ARHGAP23: variants seen among roughly 807,000 people sequenced by gnomAD.
ARHGAP23 encodes Rho GTPase activating protein 23.
ARHGAP23 carries 34 observed loss-of-function variants against 136.3 expected under a neutral mutation model. The observed-to-expected ratio is 0.25, with a 90% CI of 0.19 to 0.33. The LOEUF is 0.33. ARHGAP23 is among the 10% of genes least tolerant of loss of function. The pLI, the probability that ARHGAP23 is intolerant of heterozygous loss-of-function variation, is 1.00. For synonymous variants in ARHGAP23, 832 were observed against 920.5 expected (o/e 0.90, Z 1.74); for missense variants, 1,808 against 2,139.0 (o/e 0.85, Z 3.05).
intron 1 of ARHGAP23, among the ~76,000 whole-genome samples, chr17:38,422,304 A>G (rs1395243665): frequency 6.6e-6 from 1 of 152,220 alleles, no homozygotes; most frequent in Non-Finnish European, 1.5e-5. Flanking sequence ...AGAGCTTGGC[A>G]CATAGTGGGT....
upstream of ARHGAP23, among the ~76,000 whole-genome samples, chr17:38,425,321 T>C (rs1004799365): frequency 2.6e-5 from 4 of 152,088 alleles, no homozygotes; most frequent in Non-Finnish European, 4.4e-5. Flanking sequence ...CTGGAGTGCC[T>C]TTTTCCCTAT....
At position 38,500,318 on chromosome 17, in the gene ARHGAP23, C is replaced by G. The variant is rs534087395; in HGVS notation, c.3416-279C>G. On this transcript the variant is annotated intron_variant, in intron 22 of 23. Transcript: ENST00000622683. ...AGGAACCAGGCTCAAAGACAATGCC[C>G]CCTTGCCCTTAGCCATCGGTAAATG... The G allele has an allele frequency of 2.4e-4, 126 of 519,420 alleles. 1 individual carries two copies. The highest frequency in any genetic ancestry group is 2.2e-3 in the African/African-American group (112 of 51,972). The allele number at this position is 519,420 out of a possible 1,614,324, so 32.2% of individuals were successfully genotyped here.
intron 1 of ARHGAP23, among the ~76,000 whole-genome samples, chr17:38,432,593 C>T (rs1012426693): frequency 2.6e-5 from 4 of 151,938 alleles, no homozygotes; most frequent in East Asian, 1.9e-4. Flanking sequence ...GCAGGAGAAT[C>T]GCTTGAACCT....
rs1385977016 is a variant in ARHGAP23, at chr17:38,482,518, C to T, written c.2752-5C>T. On this transcript the variant is annotated splice_region_variant and splice_polypyrimidine_tract_variant and intron_variant, in intron 15 of 23. Transcript: ENST00000622683. ...CCCCCTAACACCCCTCCCATGTGTC[C>T]CCAGCGCGTCCCCTTAATCGTGGCT... is the stretch of plus-strand genomic sequence containing the variant. 5.8e-6 allele frequency: 9 copies of T among 1,539,332 alleles called. No homozygotes were observed. The highest frequency in any genetic ancestry group is 2.5e-5 in the East Asian group (1 of 40,598).
At chr17:38,453,433 GTGTGT>G in intron 1 of ARHGAP23, among the ~76,000 whole-genome samples, 1 of 116,136 alleles carries the variant, frequency 8.6e-6, no homozygotes, top group Admixed American at 8.5e-5. Context: ...GTGTGTGTGT[GTGTGT>G]GTGTGTGTGT....
intron 16 of ARHGAP23, among the ~76,000 whole-genome samples, chr17:38,482,967 A>C (rs576400508): frequency 5.6e-4 from 85 of 152,284 alleles, no homozygotes; most frequent in Non-Finnish European, 1.0e-3. Context: ...GGATGAGTAG[A>C]GTTCACCAAA....
chr17:38,500,731 A>G, intron 23 of ARHGAP23, 103 bp downstream of exon 23: 1 of 1,094,780 alleles, frequency 9.1e-7, no homozygotes, highest in Non-Finnish European at 1.4e-6. Flanking sequence ...CCATGGGGAA[A>G]GTTGATGGTC....
At chr17:38,468,627 C>T (rs2039670175) in intron 7 of ARHGAP23, among the ~76,000 whole-genome samples, 1 of 152,178 alleles carries the variant, frequency 6.6e-6, no homozygotes, top group African/African-American at 2.4e-5. Flanking sequence ...GTAAGGAAGG[C>T]TCTAGGCTGT....
chr17:38,461,125 C>T (rs1351511144), intron 3 of ARHGAP23, among the ~76,000 whole-genome samples, 193 bp downstream of exon 3: 1 of 152,204 alleles, frequency 6.6e-6, no homozygotes, highest in Non-Finnish European at 1.5e-5. Context: ...TCTGTCCTCC[C>T]CCTTTCTTTT....
chr17:38,503,913 T>C (rs567228796), intron 23 of ARHGAP23, among the ~76,000 whole-genome samples: 7 of 152,360 alleles, frequency 4.6e-5, no homozygotes, highest in Admixed American at 2.0e-4. Flanking sequence ...GAGCACCTAC[T>C]AGGTGCCAGC....
chr17:38,454,150 G>GCGGGGCCGGGGC (rs1003715126), intron 1 of ARHGAP23: 1 of 152,154 alleles, frequency 6.6e-6, no homozygotes, highest in African/African-American at 2.4e-5. Context: ...GGTGAGAGCC[G>GCGGGGCCGGGGC]CGGGGCCGGG....
In ARHGAP23 at chr17:38,498,505, G is replaced by T; in HGVS notation, c.3410G>T (p.Gly1137Val). The T allele has an allele frequency of 6.5e-7, 1 of 1,546,834 alleles. No individual in the cohort carries two copies. Among genetic ancestry groups the T allele is most frequent in the Non-Finnish European group, 8.7e-7 (1 of 1,145,344 alleles). ...AGGACAGTGCCCCCTGGCGACCCGG[G>T]GTCAGGTGAGCGCAGGGGCCTGGGA... is the stretch of plus-strand genomic sequence containing the variant. ...IGRTVPPGDP[G>V]SDSTTCSSAK... Residue 1137 changes from glycine to valine, a missense_variant, in exon 22 of 24, where the codon GGG becomes GTG. Coordinates refer to ENST00000622683, the MANE Select transcript of ARHGAP23 (RefSeq NM_001199417.2).
chr17:38,458,328 G>C (rs1370014764), intron 2 of ARHGAP23, 65 bp downstream of exon 2: 6 of 1,446,878 alleles, frequency 4.1e-6, no homozygotes, highest in Non-Finnish European at 4.5e-6. Context: ...ACTCTTTTGT[G>C]CCAGTCCCCT....
At chr17:38,448,267 A>G (rs578195470) in intron 1 of ARHGAP23, among the ~76,000 whole-genome samples, 10 of 152,144 alleles carry the variant, frequency 6.6e-5, no homozygotes, top group Admixed American at 2.0e-4. Flanking sequence ...GCCTGGGTCT[A>G]TGAGCGTCCA....
chr17:38,509,594 T>C (rs2040708692), intron 23 of ARHGAP23, among the ~76,000 whole-genome samples: 1 of 152,092 alleles, frequency 6.6e-6, no homozygotes, highest in South Asian at 2.1e-4. Context: ...GTGAAACGGA[T>C]TCAGGCTGCC....
chr17:38,457,036 A>G (rs2039341826), intron 1 of ARHGAP23, among the ~76,000 whole-genome samples: 3 of 152,016 alleles, frequency 2.0e-5, no homozygotes, highest in African/African-American at 7.2e-5. Flanking sequence ...CAGCCTCTTG[A>G]GTAGCTGGGA....
At chr17:38,449,149 A>G (rs547709515) in intron 1 of ARHGAP23, among the ~76,000 whole-genome samples, 4 of 152,264 alleles carry the variant, frequency 2.6e-5, no homozygotes, top group South Asian at 4.1e-4. Flanking sequence ...ATTTGGCATT[A>G]TCTCAGCCCA....
chr17:38,510,924 C>A lies in ARHGAP23; in HGVS notation c.4428C>A (p.Ser1476Arg), dbSNP rs1258178835. The A allele has an allele frequency of 2.0e-6, 3 of 1,481,098 alleles. No homozygotes were observed. The highest frequency in any genetic ancestry group is 2.7e-6 in the Non-Finnish European group (3 of 1,126,168). The allele number at this position is 1,481,098 out of a possible 1,614,324, so 91.7% of individuals were successfully genotyped here. A position where few individuals can be genotyped will look rare whatever the true frequency, so the allele number is the denominator to read the frequency against. The change falls in exon 24 of 24, where the codon AGC becomes AGA. Residue 1476 changes from serine to arginine, a missense_variant. Ser to Arg is a moderately radical substitution (Grantham distance 110, BLOSUM62 -1). This residue lies in a region of ARHGAP23 where 506 missense variants were observed against 455.8 expected (regional missense o/e 1.11). Transcript: ENST00000622683. The surrounding 1 kb of genome is among the most constrained non-coding windows in gnomAD (Gnocchi z 4.6). Reference sequence around the variant, plus strand: ...CCGGGGACACGGGGTCCCTGCAGAGCCAGCCCCCGCGCCGCTCGGCCGCCT... The same window carrying A: ...CCGGGGACACGGGGTCCCTGCAGAGACAGCCCCCGCGCCGCTCGGCCGCCT... ...PAPGDTGSLQ[S>R]QPPRRSAASR... is the part of the protein sequence containing the mutation.
At chr17:38,493,708 G>A (rs2040328743) in intron 20 of ARHGAP23, among the ~76,000 whole-genome samples, 2 of 152,232 alleles carry the variant, frequency 1.3e-5, no homozygotes, top group Admixed American at 6.5e-5. Flanking sequence ...GCTGTCACTT[G>A]GGGTACCCAG....
Sources: allele counts gnomAD v4.1 joint callset (sites outside exome capture counted in the v4.1 genomes callset), GRCh38; gene constraint gnomAD v4.1.1; regional missense constraint gnomAD v4.1.1; non-coding constraint Gnocchi (gnomAD v3.1); transcripts MANE v1.5; gene names NCBI Gene and HGNC (gene_info 2026-07-23, HGNC 2026-07-21).